The following KIF24 variants were observed in gnomAD, a reference collection of about 807,000 sequenced individuals.
KIF24 encodes the protein kinesin-like protein KIF24.
A neutral mutation model predicts 118.9 loss-of-function variants in KIF24; 81 were observed. The observed-to-expected ratio is 0.68, with a 90% CI of 0.57 to 0.82. The LOEUF (loss-of-function observed/expected upper bound fraction) is 0.82. KIF24 is among the 40% of genes least tolerant of loss of function. The pLI is 0.00. For missense variants in KIF24, 1,560 were observed against 1,661.6 expected (o/e 0.94, Z 1.06); for synonymous variants, 599 against 610.0 (o/e 0.98, Z 0.27).
At chr9:34,267,494 G>GA (rs1835338011) in intron 8 of KIF24, among the ~76,000 whole-genome samples, 1 of 151,812 alleles carries the variant, frequency 6.6e-6, no homozygotes, top group Admixed American at 6.6e-5. Flanking sequence ...TCTAATTCAG[G>GA]ACTGTCCCAA....
chr9:34,309,528 G>C (rs898221524), intron 2 of KIF24, among the ~76,000 whole-genome samples: 4 of 136,198 alleles, frequency 2.9e-5, no homozygotes, highest in Non-Finnish European at 6.1e-5. Flanking sequence ...GCGACAGTGC[G>C]AGACTCCGTC....
chr9:34,318,297 C>T lies in KIF24; in HGVS notation c.-25-6926G>A, dbSNP rs981553849. ...AGAAGAGTAGAATCGTGTCGCGGCTCGAGAGCGAGACTCCCGTCTTGGAGC... is the reference window on the plus strand; with the variant it reads ...AGAAGAGTAGAATCGTGTCGCGGCTTGAGAGCGAGACTCCCGTCTTGGAGC... On this transcript the variant is annotated intron_variant, in intron 1 of 12. Transcript: ENST00000402558. The surrounding 1 kb of genome is among the most constrained non-coding windows in gnomAD (Gnocchi z 4.9). 13 of 560,284 alleles carry T rather than the reference C, an allele frequency of 2.3e-5. No individual in the cohort carries two copies. The highest frequency in any genetic ancestry group is 1.1e-4 in the African/African-American group (6 of 52,866). 34.7% of individuals were successfully genotyped at this position (560,284 alleles called of 1,614,324 possible). A position where few individuals can be genotyped will look rare whatever the true frequency, so the allele number is the denominator to read the frequency against.
At chr9:34,304,489 G>T (rs1836840188) in intron 3 of KIF24, among the ~76,000 whole-genome samples, 1 of 152,190 alleles carries the variant, frequency 6.6e-6, no homozygotes, top group Admixed American at 6.5e-5. Context: ...TGTGACAGAA[G>T]CATCATTAAG....
intron 8 of KIF24, among the ~76,000 whole-genome samples, chr9:34,268,509 C>CTTT (rs551412725): frequency 3.4e-4 from 42 of 123,574 alleles, no homozygotes; most frequent in African/African-American, 1.1e-3. Context: ...GATTTTCTTT[C>CTTT]TTTTTTTTTT....
chr9:34,282,368 G>A (rs868062532), intron 6 of KIF24, among the ~76,000 whole-genome samples: 9 of 152,032 alleles, frequency 5.9e-5, no homozygotes, highest in African/African-American at 2.2e-4. Flanking sequence ...CAGGCACTGG[G>A]GGCAGGAGAA....
intron 9 of KIF24, among the ~76,000 whole-genome samples, chr9:34,262,666 AAAAAAAAAAAT>A (rs1835113163): frequency 1.9e-5 from 1 of 53,808 alleles, no homozygotes; most frequent in Non-Finnish European, 3.4e-5. Context: ...AAAAAAAAAA[AAAAAAAAAAAT>A]ATATATATAT....
chr9:34,320,674 A>G (rs960977818), intron 1 of KIF24, among the ~76,000 whole-genome samples: 3 of 151,296 alleles, frequency 2.0e-5, no homozygotes, highest in African/African-American at 7.2e-5. Flanking sequence ...AAAAAAAAAA[A>G]AAAAAAAGGA....
chr9:34,271,708 G>T, intron 7 of KIF24, 101 bp downstream of exon 7: 1 of 1,268,818 alleles, frequency 7.9e-7, no homozygotes, highest in South Asian at 1.5e-5. Flanking sequence ...CTGCAATGAA[G>T]AACTCCATGG....
chr9:34,299,810 G>A lies in KIF24; in HGVS notation c.814-2696C>T, dbSNP rs994220770. On this transcript the variant is annotated intron_variant, in intron 3 of 12. Coordinates refer to ENST00000402558, the MANE Select transcript of KIF24 (RefSeq NM_194313.4). The stretch of plus-strand genomic sequence containing the variant: ...ATATAGCTGGGCTACCAAGATGTGT[G>A]TGTGTGTGTGTGCGTGTGTGTGTGT... Among the ~76,000 whole-genome samples the A allele has an allele frequency of 1.1e-3, 92 of 86,892 alleles. 1 individual carries two copies. The highest frequency in any genetic ancestry group is 2.4e-3 in the African/African-American group (83 of 33,910). 57.0% of individuals were successfully genotyped at this position (86,892 alleles called of 152,430 possible).
upstream of KIF24, among the ~76,000 whole-genome samples, chr9:34,330,060 G>C (rs1052336358): frequency 6.6e-6 from 1 of 152,224 alleles, no homozygotes; most frequent in Non-Finnish European, 1.5e-5. Flanking sequence ...AGTAAAGAAA[G>C]TCGAACAAGA....
intron 11 of KIF24, 91 bp downstream of exon 11, chr9:34,255,644 A>G: frequency 2.5e-6 from 3 of 1,189,302 alleles, no homozygotes; most frequent in Non-Finnish European, 2.4e-6. Flanking sequence ...GTACCCCTGC[A>G]TGGCTTCTCT....
intron 4 of KIF24, among the ~76,000 whole-genome samples, chr9:34,291,446 A>G (rs1442711695): frequency 6.6e-6 from 1 of 152,198 alleles, no homozygotes; most frequent in African/African-American, 2.4e-5. Flanking sequence ...TTTCACTTTT[A>G]TCAGTAGATT....
chr9:34,276,376 T>A (rs1587929868), intron 6 of KIF24, among the ~76,000 whole-genome samples: 2 of 128,788 alleles, frequency 1.6e-5, no homozygotes, highest in South Asian at 4.7e-4. Flanking sequence ...CACTCCAGCC[T>A]GGGGGACAAG....
chr9:34,288,148 T>C (rs983981449), intron 5 of KIF24, among the ~76,000 whole-genome samples: 5 of 151,996 alleles, frequency 3.3e-5, no homozygotes, highest in Admixed American at 1.3e-4. Context: ...ATACATACTT[T>C]TGTCTACCCT....
Position 34,318,926 on chromosome 9 carries a change from G to A in KIF24, c.-25-7555C>T, listed in dbSNP as rs1466149833. 9.6e-6 allele frequency: 15 copies of A among 1,565,742 alleles called. No homozygotes were observed. The highest frequency in any genetic ancestry group is 2.2e-5 in the East Asian group (1 of 44,656). ...GCGCAGTGCGCTGCAGTCCATCCAC[G>A]AGTGGGCCGTGCAGACCACCGACGG... On this transcript the variant is annotated intron_variant, in intron 1 of 12. Coordinates refer to ENST00000402558, the MANE Select transcript of KIF24 (RefSeq NM_194313.4). This position sits in a 1 kb window ranked among gnomAD's most constrained non-coding sequence, Gnocchi z 4.9.
At position 34,256,193 on chromosome 9, in the gene KIF24, G is replaced by A. The variant is rs1834831195; in HGVS notation, c.3414C>T (p.His1138=). ...PALSPSPIRQ[H]PADKLPSREA... Reference sequence around the variant, plus strand: ...CCCTGCTGGGCAGCTTGTCAGCTGGGTGCTGACGGATGGGTGATGGGGACA... The same window carrying A: ...CCCTGCTGGGCAGCTTGTCAGCTGGATGCTGACGGATGGGTGATGGGGACA... Residue 1138 remains histidine (H), a synonymous_variant, in exon 11 of 13, where the codon CAC becomes CAT. Transcript: ENST00000402558. 3 of 1,602,712 alleles carry A rather than the reference G, an allele frequency of 1.9e-6. No homozygotes were observed. The highest frequency in any genetic ancestry group is 2.6e-6 in the Non-Finnish European group (3 of 1,172,880).
Position 34,311,017 on chromosome 9 carries a change from A to G in KIF24, c.330T>C (p.Asn110=). 1 of 1,613,942 alleles carries G rather than the reference A, an allele frequency of 6.2e-7. No individual in the cohort carries two copies. The highest frequency in any genetic ancestry group is 8.5e-7 in the Non-Finnish European group (1 of 1,179,870). The change falls in exon 2 of 13, where the codon AAT becomes AAC. Residue 110 remains asparagine, a synonymous_variant. Transcript: ENST00000402558. ...FDSPADNKDR[N]ASNDGFEMCS... ...ACATTTCAAACCCATCATTGCTGGC[A>G]TTTCTGTCTTTATTGTCAGCAGGAG...
intron 6 of KIF24, among the ~76,000 whole-genome samples, chr9:34,277,107 TGGAAAATATA>T (rs1211869748): frequency 1.3e-5 from 2 of 152,228 alleles, no homozygotes; most frequent in Non-Finnish European, 2.9e-5. Flanking sequence ...GTGGAAAACT[TGGAAAATATA>T]GGAAAAGGAT....
chr9:34,259,466 G>A, intron 10 of KIF24, 130 bp downstream of exon 10: 1 of 691,820 alleles, frequency 1.4e-6, no homozygotes, highest in Non-Finnish European at 2.6e-6. Flanking sequence ...ATCCCTATGT[G>A]TGTGTGAGTG....
Sources: gnomAD v4.1 joint callset for allele counts (sites outside exome capture counted in the v4.1 genomes callset) on GRCh38, gnomAD v4.1.1 for gene constraint, Gnocchi (gnomAD v3.1) non-coding constraint, MANE v1.5 for transcripts, NCBI Gene and HGNC (gene_info 2026-07-23, HGNC 2026-07-21) for gene names.